MAGI2: variants seen among roughly 807,000 people sequenced by gnomAD.
MAGI2 encodes the protein membrane-associated guanylate kinase, WW and PDZ domain-containing protein 2.
A neutral mutation model predicts 133.3 loss-of-function variants in MAGI2; 35 were observed. The observed-to-expected ratio is 0.26, with a 90% CI of 0.20 to 0.35. The LOEUF is 0.35. Ranked by LOEUF, MAGI2 falls within the 10% of genes least tolerant of loss-of-function variation. The probability of loss-of-function intolerance (pLI) is 1.00; values close to 1 mark genes in which losing one functional copy is unlikely to be tolerated. For missense variants in MAGI2, 1,636 were observed against 1,863.4 expected (o/e 0.88, Z 2.25); for synonymous variants, 729 against 710.6 (o/e 1.03, Z -0.41).
intron 2 of MAGI2, among the ~76,000 whole-genome samples, chr7:78,713,038 G>A (rs17450323): frequency 0.091 from 13,900 of 152,016 alleles, 708 homozygotes; most frequent in Admixed American, 0.14. Flanking sequence ...CAGAAGAATT[G>A]AAATGAAAAC....
rs569562408 is a variant in MAGI2 at position 78,880,123 on chromosome 7, A to G, written c.418+126967T>C. Among the ~76,000 whole-genome samples the G allele has an allele frequency of 1.3e-4, 16 of 124,654 alleles. No homozygotes were observed. The South Asian group carries it at 3.7e-3, about 29-fold the overall frequency. 81.8% of individuals were successfully genotyped at this position (124,654 alleles called of 152,430 possible). On this transcript the variant is annotated intron_variant, in intron 2 of 21. Transcript: ENST00000354212. Reference sequence around the variant, plus strand: ...CTGGCATTCCTGAAAGAGAAGGAGAAAAAGTAAACAATCCAAAAAACATAT... The same window carrying G: ...CTGGCATTCCTGAAAGAGAAGGAGAGAAAGTAAACAATCCAAAAAACATAT...
chr7:79,185,336 T>C (rs578128041), intron 1 of MAGI2, among the ~76,000 whole-genome samples: 63 of 151,976 alleles, frequency 4.1e-4, no homozygotes, highest in African/African-American at 1.4e-3. Context: ...CGCATCTCTA[T>C]TATGAAAAAT....
rs763649983 is a variant in MAGI2 at position 78,019,775 on chromosome 7, C to T, written c.3908G>A (p.Cys1303Tyr). The T allele has an allele frequency of 1.1e-5, 18 of 1,612,756 alleles. No individual in the cohort carries two copies. The highest frequency in any genetic ancestry group is 2.7e-5 in the African/African-American group (2 of 74,868). The change falls in exon 22 of 22, where the codon TGC (cysteine) becomes TAC (tyrosine). Residue 1303 changes from cysteine (C) to tyrosine (Y), a missense_variant. Around this residue, in one of 5 missense-constraint regions of MAGI2, gnomAD observed 354 missense variants for 298.7 expected, o/e 1.19. Coordinates refer to ENST00000354212, the MANE Select transcript of MAGI2 (RefSeq NM_012301.4). ...CCCGAGGCGCTGCTTCTTCTGGCCG[C>T]AGGCTGAAAGCTCCTTTGGTTTCCT... Reference protein sequence around the residue: ...DVRKPKELSACGQKKQRLGEQ... With the variant: ...DVRKPKELSAYGQKKQRLGEQ...
At chr7:79,273,656 A>ATT (rs1554428655) in intron 1 of MAGI2, among the ~76,000 whole-genome samples, 5 of 149,672 alleles carry the variant, frequency 3.3e-5, no homozygotes, top group Admixed American at 6.7e-5. Flanking sequence ...GGGGTGTTCG[A>ATT]TTGTTGTTGT....
rs1401605012 is a variant in MAGI2 at position 78,023,281 on chromosome 7, A to G, written c.3707-3305T>C. ...AGTTTTTATGAAATCTTGACATATA[A>G]TAACCAGAAGAGTTCAATTTAGTTC... On this transcript the variant is annotated intron_variant, in intron 21 of 21. Coordinates refer to ENST00000354212, the MANE Select transcript of MAGI2 (RefSeq NM_012301.4). Among the ~76,000 whole-genome samples the G allele has an allele frequency of 3.3e-5, 5 of 152,212 alleles. No homozygotes were observed. The South Asian group carries it at 1.0e-3, about 32-fold the overall frequency.
chr7:78,971,637 G>A (rs539007862), intron 2 of MAGI2, among the ~76,000 whole-genome samples: 3 of 152,010 alleles, frequency 2.0e-5, no homozygotes, highest in Non-Finnish European at 2.9e-5. Flanking sequence ...TGTTAAGTTT[G>A]GCCACCCTAC....
At chr7:79,234,689 A>G (rs1831711371) in intron 1 of MAGI2, among the ~76,000 whole-genome samples, 1 of 101,720 alleles carries the variant, frequency 9.8e-6, no homozygotes, top group African/African-American at 2.9e-5. Context: ...CTAGTTATAC[A>G]TTCTTCTCAA....
intron 10 of MAGI2, among the ~76,000 whole-genome samples, chr7:78,207,301 A>G (rs1226041755): frequency 1.3e-5 from 2 of 152,198 alleles, no homozygotes; most frequent in African/African-American, 4.8e-5. Flanking sequence ...AAAATATTTC[A>G]GGGATTATGG....
intron 21 of MAGI2, among the ~76,000 whole-genome samples, chr7:78,028,913 A>G (rs1809261657): frequency 6.6e-6 from 1 of 151,656 alleles, no homozygotes; most frequent in African/African-American, 2.4e-5. Flanking sequence ...CAGGAAACTG[A>G]GAGGTAGATA....
Position 78,989,664 on chromosome 7 carries a change from C to G in MAGI2, c.418+17426G>C, listed in dbSNP as rs111641045. On this transcript the variant is annotated intron_variant, in intron 2 of 21. Coordinates refer to ENST00000354212, the MANE Select transcript of MAGI2 (RefSeq NM_012301.4). ...AGAGTTCATACCTATATAATTCCAA[C>G]CTGTTTTGCCTGCATGCCAAATTCT... is the stretch of plus-strand genomic sequence containing the variant. 3.4e-3 allele frequency among the ~76,000 whole-genome samples: 518 copies of G among 152,138 alleles called. 3 individuals carry two copies. Among genetic ancestry groups the G allele is most frequent in the African/African-American group, 0.011 (456 of 41,524 alleles).
At chr7:78,991,942 C>G (rs1805827426) in intron 2 of MAGI2, among the ~76,000 whole-genome samples, 1 of 152,026 alleles carries the variant, frequency 6.6e-6, no homozygotes, top group South Asian at 2.1e-4. Flanking sequence ...CCTTCCTACT[C>G]TTCTCTTAAT....
Position 78,019,872 on chromosome 7 carries a change from C to T in MAGI2, c.3811G>A (p.Ala1271Thr), listed in dbSNP as rs539880955. 119 of 1,613,150 alleles carry T rather than the reference C, an allele frequency of 7.4e-5. 1 individual carries two copies. In the South Asian group the frequency reaches 1.1e-3, roughly 15 times the overall value. Residue 1271 changes from alanine (A) to threonine (T), a missense_variant, in exon 22 of 22, where the codon GCC becomes ACC. Physicochemically the swap from Ala to Thr is moderately conservative, Grantham distance 58 (BLOSUM62 0). Around this residue, in one of 5 missense-constraint regions of MAGI2, gnomAD observed 354 missense variants for 298.7 expected, o/e 1.19. Coordinates refer to ENST00000354212, the MANE Select transcript of MAGI2 (RefSeq NM_012301.4). ...TGGTGGGAAGGGTCGGAGGGTGGGG[C>T]TGGATGTGATGGAGAGAATGGAGCG... ...GLAPFSPSHPAPPSDPSHQIS... is the reference protein window; with the variant it reads ...GLAPFSPSHPTPPSDPSHQIS...
chr7:79,201,439 G>T lies in MAGI2; in HGVS notation c.302-194233C>A, dbSNP rs150198535. On this transcript the variant is annotated intron_variant, in intron 1 of 21. Transcript: ENST00000354212. ...AACTGTGGTCAGGGTGTGTGCCTCT[G>T]ATGTCCTTCAATATCAATCTTTCTT... Among the ~76,000 whole-genome samples, 25 of 152,102 alleles carry T rather than the reference G, an allele frequency of 1.6e-4. No homozygotes were observed. In the East Asian group the frequency reaches 4.6e-3, roughly 28 times the overall value.
intron 2 of MAGI2, among the ~76,000 whole-genome samples, chr7:78,934,019 A>ATTGTCTGTTGTTGCTG: frequency 6.6e-6 from 1 of 152,254 alleles, no homozygotes; most frequent in East Asian, 1.9e-4. Flanking sequence ...CAAGCCTGCC[A>ATTGTCTGTTGTTGCTG]TTGTCTGTTG....
chr7:78,083,408 G>C (rs1345033344), intron 20 of MAGI2, among the ~76,000 whole-genome samples: 6 of 146,724 alleles, frequency 4.1e-5, no homozygotes, highest in Non-Finnish European at 6.0e-5. Context: ...GAGAGAGAGA[G>C]AGAGAGAGAG....
At chr7:78,845,759 T>G (rs1424391164) in intron 2 of MAGI2, among the ~76,000 whole-genome samples, 1 of 152,056 alleles carries the variant, frequency 6.6e-6, no homozygotes, top group South Asian at 2.1e-4. Context: ...ATTGCTGACC[T>G]TGTCCTTGAC....
chr7:79,393,118 C>A (rs1253739427), intron 1 of MAGI2, among the ~76,000 whole-genome samples: 3 of 152,152 alleles, frequency 2.0e-5, no homozygotes, highest in Non-Finnish European at 4.4e-5. Flanking sequence ...TGATCATAAT[C>A]TTTAAATTAC....
chr7:78,419,650 T>C (rs1798623430), intron 6 of MAGI2, among the ~76,000 whole-genome samples: 1 of 151,844 alleles, frequency 6.6e-6, no homozygotes, highest in South Asian at 2.1e-4. Context: ...GAGCTAAGCA[T>C]TTTTTCAACC....
intron 2 of MAGI2, among the ~76,000 whole-genome samples, chr7:78,981,911 TC>T (rs1804824604): frequency 6.6e-6 from 1 of 151,888 alleles, no homozygotes; most frequent in South Asian, 2.1e-4. Context: ...AAGACGATAT[TC>T]CTTGACAATT....
Sources: allele counts gnomAD v4.1 joint callset (sites outside exome capture counted in the v4.1 genomes callset), GRCh38; gene constraint gnomAD v4.1.1; regional missense constraint gnomAD v4.1.1; transcripts MANE v1.5; gene names NCBI Gene and HGNC (gene_info 2026-07-23, HGNC 2026-07-21).